The following ULK4 variants were observed in gnomAD, a reference collection of about 807,000 sequenced individuals.
The protein encoded by ULK4 is unc-51 like kinase 4, also known as inactive serine/threonine-protein kinase ULK4.
A neutral mutation model predicts 160.6 loss-of-function variants in ULK4; 133 were observed. The ratio of observed to expected loss-of-function variants is 0.83; its 90% CI spans 0.72 to 0.96. The LOEUF (loss-of-function observed/expected upper bound fraction) is 0.96. Among genes scored for constraint, ULK4 ranks in the 40% least tolerant of loss-of-function variants. ULK4 has a pLI of 0.00. For missense variants in ULK4, 1,580 were observed against 1,499.5 expected, an observed-to-expected ratio of 1.05 and a Z score of -0.89; for synonymous variants, 534 against 539.8, an observed-to-expected ratio of 0.99 and a Z score of 0.15.
At chr3:41,628,519 A>C (rs1193850316) in intron 30 of ULK4, among the ~76,000 whole-genome samples, 3 of 152,204 alleles carry the variant, frequency 2.0e-5, no homozygotes, top group Non-Finnish European at 4.4e-5. Context: ...AGACAAACTT[A>C]AATGGAGGAG....
intron 17 of ULK4, chr3:41,859,360 T>C (rs1283434114): frequency 1.2e-5 from 7 of 588,622 alleles, no homozygotes; most frequent in African/African-American, 5.7e-5. Context: ...TCAAGGCCAA[T>C]GATGCTTCAG....
At chr3:41,399,234 C>T (rs1559570907) in intron 34 of ULK4, among the ~76,000 whole-genome samples, 1 of 152,096 alleles carries the variant, frequency 6.6e-6, no homozygotes, top group Non-Finnish European at 1.5e-5. Flanking sequence ...GGTTTTCAGA[C>T]GTACTTCCCT....
chr3:41,377,150 G>A (rs1459906260), intron 35 of ULK4, among the ~76,000 whole-genome samples: 1 of 152,186 alleles, frequency 6.6e-6, no homozygotes, highest in African/African-American at 2.4e-5. Context: ...AATAAATGGT[G>A]CTGGGAAAAC....
In ULK4 at chr3:41,608,196, A is replaced by G. The variant is rs146201373; in HGVS notation, c.3120+7473T>C. On this transcript the variant is annotated intron_variant, in intron 31 of 36. Transcript: ENST00000301831. The stretch of plus-strand genomic sequence containing the variant: ...CTATTTTACAAGCTCTATTTTTCCC[A>G]TAAATCTGTAAACTGATTTAGTACA... 7.2e-5 allele frequency among the ~76,000 whole-genome samples: 11 copies of G among 152,318 alleles called. No homozygotes were observed. In the East Asian group the frequency reaches 1.9e-3, roughly 27 times the overall value.
chr3:41,649,874 T>C (rs2034670638), intron 30 of ULK4, among the ~76,000 whole-genome samples: 1 of 152,226 alleles, frequency 6.6e-6, no homozygotes, highest in Non-Finnish European at 1.5e-5. Context: ...GTAGAGTACA[T>C]GGCCCAGAGT....
At chr3:41,731,491 A>T (rs959744166) in intron 22 of ULK4, among the ~76,000 whole-genome samples, 4 of 152,132 alleles carry the variant, frequency 2.6e-5, no homozygotes, top group African/African-American at 7.2e-5. Context: ...GACACAAGTA[A>T]ATGGAAAGAT....
chr3:41,766,985 A>C (rs978281994), intron 21 of ULK4: 1 of 152,208 alleles, frequency 6.6e-6, no homozygotes, highest in Non-Finnish European at 1.5e-5. Context: ...GCTAAGATGT[A>C]AACGCAGTGT....
intron 30 of ULK4, among the ~76,000 whole-genome samples, chr3:41,626,716 C>T (rs544887054): frequency 1.3e-5 from 2 of 151,698 alleles, no homozygotes; most frequent in South Asian, 2.1e-4. Flanking sequence ...TTAGTAGAGA[C>T]GGGGTTTCAC....
intron 30 of ULK4, among the ~76,000 whole-genome samples, chr3:41,651,565 T>C (rs916288503): frequency 2.6e-5 from 4 of 152,178 alleles, no homozygotes; most frequent in African/African-American, 9.7e-5. Flanking sequence ...AATGAATGAA[T>C]GAATGAATGA....
At chr3:41,306,182 T>TG (rs1295517001) in intron 35 of ULK4, among the ~76,000 whole-genome samples, 4 of 49,082 alleles carry the variant, frequency 8.1e-5, no homozygotes, top group Non-Finnish European at 1.0e-4. Flanking sequence ...GGGAGGGAGG[T>TG]GGGGGGGTCA....
chr3:41,882,129 C>A, intron 17 of ULK4: 2 of 693,108 alleles, frequency 2.9e-6, no homozygotes, highest in Non-Finnish European at 2.6e-6. Context: ...ATCTTCCAGG[C>A]ACTGCCACAC....
intron 32 of ULK4, among the ~76,000 whole-genome samples, chr3:41,538,148 T>A (rs1031338630): frequency 7.9e-5 from 12 of 152,146 alleles, no homozygotes; most frequent in African/African-American, 2.4e-4. Flanking sequence ...CAGCTTTAGA[T>A]CCTTCATCTT....
At chr3:41,500,949 G>C (rs1326903991) in intron 32 of ULK4, among the ~76,000 whole-genome samples, 1 of 152,064 alleles carries the variant, frequency 6.6e-6, no homozygotes, top group East Asian at 1.9e-4. Context: ...CAGTAATTTG[G>C]AAGGTTTATA....
chr3:41,504,398 A>G (rs1241054656), intron 32 of ULK4, among the ~76,000 whole-genome samples: 2 of 152,212 alleles, frequency 1.3e-5, no homozygotes, highest in African/African-American at 4.8e-5. Flanking sequence ...AAATATTTAA[A>G]TAAATGAATA....
At chr3:41,809,223 T>G (rs1270248566) in intron 19 of ULK4, among the ~76,000 whole-genome samples, 16 of 151,612 alleles carry the variant, frequency 1.1e-4, no homozygotes, top group Non-Finnish European at 2.4e-4. Context: ...TGCTACTTTA[T>G]AGATGTTTGT....
At chr3:41,644,961 A>G (rs1338854668) in intron 30 of ULK4, among the ~76,000 whole-genome samples, 2 of 141,566 alleles carry the variant, frequency 1.4e-5, no homozygotes, top group Non-Finnish European at 3.1e-5. Context: ...TTTCTTCTAG[A>G]TTTTCTAGTT....
intron 32 of ULK4, among the ~76,000 whole-genome samples, chr3:41,469,625 A>C (rs1236372644): frequency 2.7e-5 from 4 of 148,530 alleles, no homozygotes; most frequent in Admixed American, 1.3e-4. Flanking sequence ...AAAAAAAAAA[A>C]AACACCTTAA....
At chr3:41,924,082 G>A (rs1030092117) in intron 5 of ULK4, among the ~76,000 whole-genome samples, 4 of 152,112 alleles carry the variant, frequency 2.6e-5, no homozygotes, top group African/African-American at 4.8e-5. Flanking sequence ...AGCTCTTTTC[G>A]ATATTATTTT....
At chr3:41,266,923 G>T (rs1290441861) in intron 35 of ULK4, among the ~76,000 whole-genome samples, 1 of 150,394 alleles carries the variant, frequency 6.6e-6, no homozygotes, top group Admixed American at 6.7e-5. Context: ...AATGGAGGGT[G>T]TGGCTCCTCT....
Sources: allele counts gnomAD v4.1 joint callset (sites outside exome capture counted in the v4.1 genomes callset), GRCh38; gene constraint gnomAD v4.1.1; transcripts MANE v1.5; gene names NCBI Gene and HGNC (gene_info 2026-07-23, HGNC 2026-07-21).